Variants in LRRC4C observed in about 807,000 individuals in gnomAD.
The protein encoded by LRRC4C is leucine rich repeat containing 4C, also known as leucine-rich repeat-containing protein 4C.
A neutral mutation model predicts 33.6 loss-of-function variants in LRRC4C; 5 were observed. The ratio of observed to expected loss-of-function variants is 0.15; its 90% CI spans 0.08 to 0.31. LRRC4C has a LOEUF of 0.31. Ranked by LOEUF, LRRC4C falls within the 10% of genes least tolerant of loss-of-function variation. LRRC4C has a pLI of 1.00. For synonymous variants in LRRC4C, 329 were observed against 302.0 expected (o/e 1.09, Z -0.93); for missense variants, 560 against 796.7 (o/e 0.70, Z 3.58).
intron 2 of LRRC4C, among the ~76,000 whole-genome samples, chr11:40,754,575 G>T (rs1948852541): frequency 6.6e-6 from 1 of 152,032 alleles, no homozygotes; most frequent in African/African-American, 2.4e-5. Flanking sequence ...CTACACTCTG[G>T]AAGAGGATGC....
At chr11:40,190,246 A>T (rs1861727266) in intron 5 of LRRC4C, among the ~76,000 whole-genome samples, 2 of 152,226 alleles carry the variant, frequency 1.3e-5, no homozygotes, top group African/African-American at 4.8e-5. Flanking sequence ...TTTCTGCTCC[A>T]TCCAAATACT....
chr11:40,402,122 A>C (rs1338215591), intron 3 of LRRC4C, among the ~76,000 whole-genome samples: 1 of 152,076 alleles, frequency 6.6e-6, no homozygotes, highest in Non-Finnish European at 1.5e-5. Flanking sequence ...AACACTGAAA[A>C]GGAAAAGGGT....
intron 2 of LRRC4C, among the ~76,000 whole-genome samples, chr11:40,911,482 G>A (rs557260099): frequency 6.6e-6 from 1 of 152,252 alleles, no homozygotes; most frequent in East Asian, 1.9e-4. Flanking sequence ...TACAGCTGAG[G>A]GTCCTGACTC....
chr11:40,618,677 G>A (rs1348033666), intron 3 of LRRC4C, among the ~76,000 whole-genome samples: 3 of 151,732 alleles, frequency 2.0e-5, no homozygotes, highest in African/African-American at 7.2e-5. Context: ...CCATGCTATC[G>A]CTAGAAAGCC....
intron 4 of LRRC4C, among the ~76,000 whole-genome samples, chr11:40,270,336 C>G (rs949195544): frequency 6.6e-6 from 1 of 152,040 alleles, no homozygotes; most frequent in Non-Finnish European, 1.5e-5. Flanking sequence ...CTCTCCTTAG[C>G]TTGAAAATGT....
chr11:40,201,261 T>C (rs924716468), intron 5 of LRRC4C, among the ~76,000 whole-genome samples: 1 of 152,228 alleles, frequency 6.6e-6, no homozygotes, highest in African/African-American at 2.4e-5. Context: ...GAGTTTCGTT[T>C]GCAAATGAGA....
intron 2 of LRRC4C, among the ~76,000 whole-genome samples, chr11:40,657,674 A>G (rs1943201851): frequency 6.6e-6 from 1 of 152,164 alleles, no homozygotes. Context: ...GACCAAGCCA[A>G]TGTACTTCTT....
At chr11:40,967,599 T>G (rs1851452462) in intron 1 of LRRC4C, among the ~76,000 whole-genome samples, 1 of 152,030 alleles carries the variant, frequency 6.6e-6, no homozygotes, top group South Asian at 2.1e-4. Context: ...TCTTATTATA[T>G]CTCTTATAGT....
At chr11:41,264,403 T>G (rs1949083282) in intron 1 of LRRC4C, among the ~76,000 whole-genome samples, 1 of 152,140 alleles carries the variant, frequency 6.6e-6, no homozygotes, top group African/African-American at 2.4e-5. Flanking sequence ...AATTTCCTTT[T>G]AAAGACAATT....
intron 2 of LRRC4C, among the ~76,000 whole-genome samples, chr11:40,766,227 T>C (rs2137118714): frequency 6.6e-6 from 1 of 150,846 alleles, no homozygotes; most frequent in African/African-American, 2.4e-5. Context: ...GAATAGTATA[T>C]CCAGCAAAAA....
At position 40,249,270 on chromosome 11, in the gene LRRC4C, C is replaced by T. The variant is rs569235785; in HGVS notation, c.-175-7672G>A. Among the ~76,000 whole-genome samples, 54 of 151,914 alleles carry T rather than the reference C, an allele frequency of 3.6e-4. No individual in the cohort carries two copies. The East Asian group carries it at 4.1e-3, about 11-fold the overall frequency. On this transcript the variant is annotated intron_variant, in intron 4 of 6. Coordinates refer to ENST00000528697, the MANE Select transcript of LRRC4C (RefSeq NM_001258419.2). ...AGGAGAATCTCTTGAACCTGAGAGGCGGAGGTTGCAGTGAGCCGAGATCGC... is the reference window on the plus strand; with the variant it reads ...AGGAGAATCTCTTGAACCTGAGAGGTGGAGGTTGCAGTGAGCCGAGATCGC...
intron 3 of LRRC4C, among the ~76,000 whole-genome samples, chr11:40,617,036 A>T (rs1961921123): frequency 6.6e-6 from 1 of 151,760 alleles, no homozygotes; most frequent in Non-Finnish European, 1.5e-5. Flanking sequence ...CTCATTTTTA[A>T]GTCCCCATTA....
intron 1 of LRRC4C, among the ~76,000 whole-genome samples, chr11:41,215,081 C>CA (rs948789863): frequency 4.8e-5 from 7 of 145,276 alleles, no homozygotes; most frequent in African/African-American, 1.5e-4. Flanking sequence ...AATTTATATG[C>CA]AAAAAAATCA....
At chr11:40,133,312 G>A (rs1245061390) in intron 6 of LRRC4C, among the ~76,000 whole-genome samples, 5 of 152,258 alleles carry the variant, frequency 3.3e-5, no homozygotes, top group Non-Finnish European at 5.9e-5. Flanking sequence ...AAGGCAATCC[G>A]AAGAGAACAA....
Position 40,121,501 on chromosome 11 carries a change from C to T in LRRC4C, c.-42-5167G>A, listed in dbSNP as rs145372879. On this transcript the variant is annotated intron_variant, in intron 6 of 6. Coordinates refer to ENST00000528697, the MANE Select transcript of LRRC4C (RefSeq NM_001258419.2). The stretch of plus-strand genomic sequence containing the variant: ...AACATCTCTTTCATGATGTTTTTAT[C>T]ACATCAAATGAAAATTAATTTAAAA... Among the ~76,000 whole-genome samples, 802 of 152,254 alleles carry T rather than the reference C, an allele frequency of 5.3e-3. 3 individuals carry two copies. The highest frequency in any genetic ancestry group is 0.012 in the South Asian group (58 of 4,824).
intron 1 of LRRC4C, among the ~76,000 whole-genome samples, chr11:41,057,636 G>T (rs1858728627): frequency 1.3e-5 from 2 of 152,230 alleles, no homozygotes; most frequent in African/African-American, 4.8e-5. Flanking sequence ...GACTCAGCCA[G>T]AGCTGAGCAG....
At chr11:41,406,159 G>A (rs1954222839) in intron 1 of LRRC4C, among the ~76,000 whole-genome samples, 2 of 152,136 alleles carry the variant, frequency 1.3e-5, no homozygotes, top group Admixed American at 6.6e-5. Flanking sequence ...TTACCTATGT[G>A]AGGATATCCT....
intron 2 of LRRC4C, among the ~76,000 whole-genome samples, chr11:40,714,267 T>A (rs905191271): frequency 1.4e-4 from 21 of 152,182 alleles, no homozygotes; most frequent in African/African-American, 5.1e-4. Flanking sequence ...ACCATGATAT[T>A]GTACAAGAAA....
At chr11:40,310,255 T>G (rs894308941) in intron 4 of LRRC4C, among the ~76,000 whole-genome samples, 13 of 152,192 alleles carry the variant, frequency 8.5e-5, no homozygotes, top group Non-Finnish European at 1.9e-4. Context: ...AGAGGCATTT[T>G]GAAATGCTTT....
Sources: allele counts gnomAD v4.1 joint callset (sites outside exome capture counted in the v4.1 genomes callset), GRCh38; gene constraint gnomAD v4.1.1; transcripts MANE v1.5; gene names NCBI Gene and HGNC (gene_info 2026-07-23, HGNC 2026-07-21).